Variants in SLIT2 observed in about 807,000 individuals in gnomAD.
The protein encoded by SLIT2 is slit guidance ligand 2.
SLIT2 carries 41 observed loss-of-function variants against 185.7 expected under a neutral mutation model. The ratio of observed to expected loss-of-function variants is 0.22; its 90% confidence interval spans 0.17 to 0.29. SLIT2 has a LOEUF of 0.29. Ranked by LOEUF, SLIT2 falls within the 10% of genes least tolerant of loss-of-function variation. SLIT2 has a pLI of 1.00. For missense variants in SLIT2, 1,571 were observed against 1,909.0 expected (o/e 0.82, Z 3.30); for synonymous variants, 693 against 680.2 (o/e 1.02, Z -0.29).
At chr4:20,347,688 C>G (rs938269617) in intron 4 of SLIT2, among the ~76,000 whole-genome samples, 1 of 152,194 alleles carries the variant, frequency 6.6e-6, no homozygotes, top group African/African-American at 2.4e-5. Context: ...TTGCTAAACT[C>G]TCATTCTTTT....
chr4:20,544,496 C>CT (rs1723085744), intron 21 of SLIT2, among the ~76,000 whole-genome samples: 1 of 151,978 alleles, frequency 6.6e-6, no homozygotes. Flanking sequence ...AAAAAGTAGT[C>CT]TTTTTTTCCA....
At position 20,550,415 on chromosome 4, in the gene SLIT2, T is replaced by C. The variant is rs189852962; in HGVS notation, c.2490-412T>C. Among the ~76,000 whole-genome samples the C allele has an allele frequency of 2.3e-4, 35 of 152,004 alleles. 1 individual carries two copies. Among genetic ancestry groups the C allele is most frequent in the African/African-American group, 8.4e-4 (35 of 41,526 alleles). Reference sequence around the variant, plus strand: ...AATTAATCCTTATATCTTATATAAGTTGCAAATATATATTATTCTATTTCT... The same window carrying C: ...AATTAATCCTTATATCTTATATAAGCTGCAAATATATATTATTCTATTTCT... On this transcript the variant is annotated intron_variant, in intron 24 of 36. Transcript: ENST00000504154.
chr4:20,318,772 A>C (rs1397501996), intron 4 of SLIT2, among the ~76,000 whole-genome samples: 2 of 152,162 alleles, frequency 1.3e-5, no homozygotes, highest in South Asian at 4.1e-4. Flanking sequence ...TTTAGGAGAG[A>C]GAAATGGTAA....
At chr4:20,455,690 G>T (rs746043556) in intron 4 of SLIT2, among the ~76,000 whole-genome samples, 1 of 151,852 alleles carries the variant, frequency 6.6e-6, no homozygotes, top group Non-Finnish European at 1.5e-5. Flanking sequence ...TTTTTTGGGG[G>T]GGTAATGAAA....
intron 4 of SLIT2, among the ~76,000 whole-genome samples, chr4:20,466,746 T>G (rs1216084888): frequency 6.6e-6 from 1 of 152,176 alleles, no homozygotes; most frequent in Non-Finnish European, 1.5e-5. Context: ...TGTTTTCATC[T>G]GATATGCACC....
Position 20,301,696 on chromosome 4 carries a change from G to A in SLIT2, c.395+32815G>A, listed in dbSNP as rs368781303. Among the ~76,000 whole-genome samples, 42 of 152,168 alleles carry A rather than the reference G, an allele frequency of 2.8e-4. 1 individual carries two copies. The East Asian group carries it at 3.1e-3, about 11-fold the overall frequency. ...GACTAATGAGATATTAGTAGAGGAG[G>A]ATGTATTTTCATTTGTAAATAAAAT... On this transcript the variant is annotated intron_variant, in intron 4 of 36. Transcript: ENST00000504154.
At chr4:20,518,787 T>G (rs1720547809) in intron 11 of SLIT2, among the ~76,000 whole-genome samples, 1 of 142,230 alleles carries the variant, frequency 7.0e-6, no homozygotes, top group Non-Finnish European at 1.5e-5. Context: ...TTGTGTTTTT[T>G]AGTAGAGACG....
At chr4:20,311,608 G>A (rs1031683240) in intron 4 of SLIT2, among the ~76,000 whole-genome samples, 1 of 152,080 alleles carries the variant, frequency 6.6e-6, no homozygotes, top group South Asian at 2.1e-4. Context: ...TTAAAAGTTT[G>A]TTCTTAAGAA....
At position 20,490,840 on chromosome 4, in the gene SLIT2, C is replaced by T. The variant is rs1174842160; in HGVS notation, c.776-921C>T. On this transcript the variant is annotated intron_variant, in intron 8 of 36. Transcript: ENST00000504154. ...GCAAGTTCACATTTCTTTTTTAGACCGAGGATATTTTTGTAGTTTAAGAGC... is the reference window on the plus strand; with the variant it reads ...GCAAGTTCACATTTCTTTTTTAGACTGAGGATATTTTTGTAGTTTAAGAGC... 9.3e-6 allele frequency: 14 copies of T among 1,502,206 alleles called. No homozygotes were observed. In the South Asian group the frequency reaches 9.6e-5, roughly 10 times the overall value. The allele number at this position is 1,502,206 out of a possible 1,614,324, so 93.1% of individuals were successfully genotyped here.
intron 4 of SLIT2, among the ~76,000 whole-genome samples, chr4:20,380,015 T>C (rs901123121): frequency 7.9e-5 from 12 of 152,134 alleles, no homozygotes; most frequent in Non-Finnish European, 1.8e-4. Flanking sequence ...GGTAGATTAC[T>C]GATCTATGCT....
Position 20,303,269 on chromosome 4 carries a change from G to T in SLIT2, c.395+34388G>T, listed in dbSNP as rs576225912. On this transcript the variant is annotated intron_variant, in intron 4 of 36. Coordinates refer to ENST00000504154, the MANE Select transcript of SLIT2 (RefSeq NM_004787.4). ...CACTCTCAGTACCCTTACAAGCCAG[G>T]CACTTTGCAGATACAAGGCTTTGAA... 2.6e-5 allele frequency among the ~76,000 whole-genome samples: 4 copies of T among 152,258 alleles called. No individual in the cohort carries two copies. The South Asian group carries it at 8.3e-4, about 32-fold the overall frequency.
intron 4 of SLIT2, among the ~76,000 whole-genome samples, chr4:20,398,551 C>T (rs1263085477): frequency 6.6e-6 from 1 of 151,756 alleles, no homozygotes; most frequent in African/African-American, 2.4e-5. Context: ...TATCTACTTT[C>T]AGCTGGACTC....
intron 4 of SLIT2, among the ~76,000 whole-genome samples, chr4:20,355,358 G>A (rs1008410345): frequency 8.6e-5 from 13 of 152,044 alleles, no homozygotes; most frequent in Non-Finnish European, 7.4e-5. Context: ...TGCCTTTGAG[G>A]GTTTTCTGAC....
At chr4:20,380,005 G>A (rs1577538087) in intron 4 of SLIT2, among the ~76,000 whole-genome samples, 1 of 152,228 alleles carries the variant, frequency 6.6e-6, no homozygotes, top group Middle Eastern at 3.4e-3. Flanking sequence ...TCAAGTGTTT[G>A]GTAGATTACT....
chr4:20,567,850 G>T (rs907386643), intron 28 of SLIT2, among the ~76,000 whole-genome samples: 5 of 151,986 alleles, frequency 3.3e-5, no homozygotes, highest in African/African-American at 4.8e-5. Flanking sequence ...ACATACACAT[G>T]TGCACATTAT....
At chr4:20,335,506 G>A (rs543200148) in intron 4 of SLIT2, among the ~76,000 whole-genome samples, 5 of 152,198 alleles carry the variant, frequency 3.3e-5, no homozygotes, top group African/African-American at 7.2e-5. Context: ...GTAACAGGGC[G>A]GGTTAAAAAA....
At chr4:20,594,198 T>C (rs1018622162) in intron 30 of SLIT2, among the ~76,000 whole-genome samples, 7 of 149,858 alleles carry the variant, frequency 4.7e-5, no homozygotes, top group Admixed American at 2.0e-4. Context: ...TATATACATA[T>C]GTATGTATGT....
chr4:20,412,080 A>G (rs1323126907), intron 4 of SLIT2, among the ~76,000 whole-genome samples: 2 of 152,152 alleles, frequency 1.3e-5, no homozygotes, highest in African/African-American at 4.8e-5. Context: ...TTTCAGGGTT[A>G]TTATGACTCA....
chr4:20,269,217 G>A (rs1713346327), intron 4 of SLIT2, among the ~76,000 whole-genome samples: 1 of 151,864 alleles, frequency 6.6e-6, no homozygotes, highest in Non-Finnish European at 1.5e-5. Context: ...CCTCTTAAGA[G>A]GAAGTTGGCA....
Sources: allele counts gnomAD v4.1 joint callset (sites outside exome capture counted in the v4.1 genomes callset), GRCh38; gene constraint gnomAD v4.1.1; transcripts MANE v1.5; gene names NCBI Gene and HGNC (gene_info 2026-07-23, HGNC 2026-07-21).